FGF14: variants seen among roughly 807,000 people sequenced by gnomAD.
The protein encoded by FGF14 is fibroblast growth factor homologous factor 4.
In FGF14, 5 loss-of-function variants were observed where a neutral mutation model predicts 25.5. The observed-to-expected ratio is 0.20, with a 90% CI of 0.10 to 0.41. FGF14 has a LOEUF of 0.41. Ranked by LOEUF, FGF14 falls within the 10% of genes least tolerant of loss-of-function variation. FGF14 has a pLI of 1.00. For missense variants in FGF14, 222 were observed against 320.1 expected, an observed-to-expected ratio of 0.69 and a Z score of 2.34; for synonymous variants, 138 against 118.3, an observed-to-expected ratio of 1.17 and a Z score of -1.08.
chr13:102,143,669 A>G (rs2046739085), intron 1 of FGF14, among the ~76,000 whole-genome samples: 1 of 152,200 alleles, frequency 6.6e-6, no homozygotes, highest in Non-Finnish European at 1.5e-5. Context: ...TCAAGCTTTA[A>G]CCCATGTTTC....
chr13:102,321,858 G>A (rs954019234), intron 1 of FGF14, among the ~76,000 whole-genome samples: 1 of 152,176 alleles, frequency 6.6e-6, no homozygotes, highest in Admixed American at 6.5e-5. Context: ...AGCACCCCCT[G>A]CCAATGTCCC....
chr13:102,282,626 C>T (rs186817963), intron 1 of FGF14, among the ~76,000 whole-genome samples: 2 of 152,256 alleles, frequency 1.3e-5, no homozygotes, highest in Admixed American at 1.3e-4. Flanking sequence ...TCAAGTTGTG[C>T]TTCCTAAAGC....
chr13:102,317,957 A>G (rs1470839590), intron 1 of FGF14, among the ~76,000 whole-genome samples: 1 of 152,174 alleles, frequency 6.6e-6, no homozygotes, highest in African/African-American at 2.4e-5. Context: ...CTGGCCTACT[A>G]CAACAATTGC....
In FGF14 at chr13:101,715,450, C is replaced by A; in HGVS notation, c.*7381G>T. The stretch of plus-strand genomic sequence containing the variant: ...TAACATCATTGCACAATAAGAAAAT[C>A]TACCAAGGATGAATGAAATGATTTC... On this transcript the variant is annotated 3_prime_UTR_variant, in exon 5 of 5. Coordinates refer to ENST00000376143, the MANE Select transcript of FGF14 (RefSeq NM_004115.4). The A allele has an allele frequency of 1.3e-6, 1 of 783,850 alleles. No homozygotes were observed. Among genetic ancestry groups the A allele is most frequent in the East Asian group, 2.5e-5 (1 of 40,390 alleles). 48.6% of individuals were successfully genotyped at this position (783,850 alleles called of 1,614,324 possible). A position where few individuals can be genotyped will look rare whatever the true frequency, so the allele number is the denominator to read the frequency against.
At chr13:102,333,764 G>A (rs72647482) in intron 1 of FGF14, among the ~76,000 whole-genome samples, 5,931 of 152,066 alleles carry the variant, frequency 0.039, 203 homozygotes, top group East Asian at 0.14. Context: ...TTTGATCCAG[G>A]ACAAAGAAAA....
intron 1 of FGF14, among the ~76,000 whole-genome samples, chr13:102,040,017 C>T (rs1260893019): frequency 2.6e-5 from 4 of 152,196 alleles, no homozygotes; most frequent in South Asian, 4.2e-4. Context: ...CGTTCCAGGG[C>T]TCTAAAAGTC....
chr13:102,167,619 CT>C (rs1197693071), intron 1 of FGF14, among the ~76,000 whole-genome samples: 3 of 152,048 alleles, frequency 2.0e-5, no homozygotes, highest in Non-Finnish European at 2.9e-5. Context: ...TTAATTTTCA[CT>C]GTTTTGCTAC....
chr13:101,790,130 T>G lies in FGF14; in HGVS notation c.409-63320A>C, dbSNP rs913854021. Among the ~76,000 whole-genome samples the G allele has an allele frequency of 3.3e-4, 18 of 54,728 alleles. No individual in the cohort carries two copies. The East Asian group carries it at 0.018, about 55-fold the overall frequency. The allele number at this position is 54,728 out of a possible 152,430, so 35.9% of individuals were successfully genotyped here. A position where few individuals can be genotyped will look rare whatever the true frequency, so the allele number is the denominator to read the frequency against. ...GAGGTTCTAATTCTAGTATTTTGGT[T>G]TTTTTTTTCATTTTCTATTAATTTC... On this transcript the variant is annotated intron_variant, in intron 3 of 4. Transcript: ENST00000376143.
intron 1 of FGF14, among the ~76,000 whole-genome samples, chr13:102,125,975 T>G (rs997328182): frequency 6.6e-6 from 1 of 152,158 alleles, no homozygotes; most frequent in Non-Finnish European, 1.5e-5. Context: ...GATTATTTAC[T>G]TCTCACCCAA....
At chr13:101,825,658 G>C (rs978595739) in intron 3 of FGF14, among the ~76,000 whole-genome samples, 2 of 152,052 alleles carry the variant, frequency 1.3e-5, no homozygotes, top group African/African-American at 4.8e-5. Flanking sequence ...AATATCATTA[G>C]AATGCATTAT....
intron 1 of FGF14, among the ~76,000 whole-genome samples, chr13:102,370,157 A>G (rs2057834775): frequency 6.6e-6 from 1 of 151,888 alleles, no homozygotes; most frequent in South Asian, 2.1e-4. Context: ...ATGCCCAGCT[A>G]ATTTTTTAAA....
At chr13:102,262,181 T>C (rs9300728) in intron 1 of FGF14, among the ~76,000 whole-genome samples, 119,551 of 152,132 alleles carry the variant, frequency 0.79, 47,744 homozygotes, top group African/African-American at 0.93. Flanking sequence ...CTAATAGATG[T>C]TAAAAATAAA....
At chr13:102,172,885 A>G (rs2048306271) in intron 1 of FGF14, among the ~76,000 whole-genome samples, 1 of 152,152 alleles carries the variant, frequency 6.6e-6, no homozygotes, top group South Asian at 2.1e-4. Flanking sequence ...TGAAGTGTCA[A>G]TGGACAAGTT....
chr13:102,008,879 A>C (rs2039939192), intron 1 of FGF14, among the ~76,000 whole-genome samples: 1 of 152,164 alleles, frequency 6.6e-6, no homozygotes, highest in African/African-American at 2.4e-5. Context: ...TCATCTGTTA[A>C]TTACTCCTGT....
At chr13:102,076,026 TAAC>T (rs372923898) in intron 1 of FGF14, among the ~76,000 whole-genome samples, 52 of 152,222 alleles carry the variant, frequency 3.4e-4, no homozygotes, top group South Asian at 2.5e-3. Flanking sequence ...AATTTAAAAA[TAAC>T]AAAAATTTTA....
At chr13:102,041,521 A>G (rs1398641804) in intron 1 of FGF14, among the ~76,000 whole-genome samples, 1 of 123,264 alleles carries the variant, frequency 8.1e-6, no homozygotes, top group Non-Finnish European at 1.7e-5. Context: ...TGGTAAGTGA[A>G]TTCCTTAAAA....
At chr13:102,352,068 G>A (rs560454586) in intron 1 of FGF14, among the ~76,000 whole-genome samples, 1 of 152,062 alleles carries the variant, frequency 6.6e-6, no homozygotes, top group Non-Finnish European at 1.5e-5. Flanking sequence ...ACAAGCAAAT[G>A]TTTAAAACGC....
intron 1 of FGF14, among the ~76,000 whole-genome samples, chr13:102,319,524 G>T (rs1310623900): frequency 6.6e-6 from 1 of 152,212 alleles, no homozygotes; most frequent in Non-Finnish European, 1.5e-5. Context: ...CTGCGCTATG[G>T]TGAGGCATGG....
chr13:101,904,140 G>C (rs1166960118), intron 1 of FGF14, among the ~76,000 whole-genome samples: 1 of 152,162 alleles, frequency 6.6e-6, no homozygotes, highest in Non-Finnish European at 1.5e-5. Context: ...ATTGCATAGA[G>C]GTCTCTGCGT....
Sources: gnomAD v4.1 joint callset for allele counts (sites outside exome capture counted in the v4.1 genomes callset) on GRCh38, gnomAD v4.1.1 for gene constraint, MANE v1.5 for transcripts, NCBI Gene and HGNC (gene_info 2026-07-23, HGNC 2026-07-21) for gene names.